Variants in PRPF8 observed in about 807,000 individuals in gnomAD.
The protein encoded by PRPF8 is pre-mRNA-processing-splicing factor 8.
A neutral mutation model predicts 285.9 loss-of-function variants in PRPF8; 64 were observed. That is an observed-to-expected ratio of 0.22 (90% confidence interval 0.18 to 0.28). PRPF8 has a LOEUF of 0.28. Ranked by LOEUF, PRPF8 falls within the 10% of genes least tolerant of loss-of-function variation. The pLI is 1.00. For missense variants in PRPF8, 1,426 were observed against 3,026.7 expected (o/e 0.47, Z 12.41); for synonymous variants, 1,325 against 1,118.2 (o/e 1.18, Z -3.69).
At position 1,683,545 on chromosome 17, in the gene PRPF8, C is replaced by G; in HGVS notation, c.257G>C (p.Arg86Thr). ...MTNRKFRHDK[R>T]VYLGALKYMP... The stretch of plus-strand genomic sequence containing the variant: ...GGATGTTCCTTACCCCAAGTAAACC[C>G]TTTTGTCATGGCGGAACTTCCTGTT... Residue 86 changes from arginine (R) to threonine (T), a missense_variant, in exon 3 of 43, where the codon AGG becomes ACG. Arg to Thr is a moderately conservative substitution (Grantham distance 71). This residue lies in a region of PRPF8 where 96 missense variants were observed against 188.3 expected (regional missense o/e 0.51). Transcript: ENST00000304992. 1 of 1,614,144 alleles carries G rather than the reference C, an allele frequency of 6.2e-7. No individual in the cohort carries two copies. Among genetic ancestry groups the G allele is most frequent in the Non-Finnish European group, 8.5e-7 (1 of 1,180,010 alleles).
chr17:1,675,212 G>A lies in PRPF8; in HGVS notation c.3000C>T (p.Ile1000=), dbSNP rs376110948. 8 of 1,614,030 alleles carry A rather than the reference G, an allele frequency of 5.0e-6. No individual in the cohort carries two copies. In the East Asian group the frequency reaches 8.9e-5, roughly 18 times the overall value. ...LTLLNRLLRL[I]VDHNIADYMT... is the part of the protein sequence containing the mutation. ...TGTAGTCGGCTATGTTGTGGTCCAC[G>A]ATGAGGCGCAGCAGCCTGTTGAGCA... Residue 1000 remains isoleucine, a synonymous_variant, in exon 20 of 43, where the codon ATC becomes ATT. Transcript: ENST00000304992. This position sits in a 1 kb window ranked among gnomAD's most constrained non-coding sequence, Gnocchi z 6.0.
chr17:1,654,174 A>G (rs1434286112), intron 37 of PRPF8, 158 bp from the exon 38 acceptor site: 1 of 1,072,842 alleles, frequency 9.3e-7, no homozygotes, highest in Non-Finnish European at 1.4e-6. Flanking sequence ...ACGGAGGTGC[A>G]CTAACACTTC....
At position 1,679,672 on chromosome 17, in the gene PRPF8, C is replaced by T. The variant is rs1330263474; in HGVS notation, c.1226G>A (p.Arg409Gln). 4 of 1,614,092 alleles carry T rather than the reference C, an allele frequency of 2.5e-6. No homozygotes were observed. The highest frequency in any genetic ancestry group is 3.4e-6 in the Non-Finnish European group (4 of 1,180,020). The part of the protein sequence containing the change: ...ANGIALLWAP[R>Q]PFNLRSGRTR... ...GCGACCAGAGCGTAGGTTGAAGGGC[C>T]GCGGGGCCCAGAGCAGGGCAATGCC... The change falls in exon 9 of 43, where the codon CGG (arginine) becomes CAG (glutamine). Residue 409 changes from arginine to glutamine, a missense_variant. Arg to Gln is a conservative substitution (Grantham distance 43). This residue lies in a region of PRPF8 where 137 missense variants were observed against 161.2 expected (regional missense o/e 0.85). Transcript: ENST00000304992. This position sits in a 1 kb window ranked among gnomAD's most constrained non-coding sequence, Gnocchi z 4.7.
intron 14 of PRPF8, 79 bp from the exon 15 acceptor site, chr17:1,677,251 CTCAT>C (rs1279833321): frequency 7.3e-7 from 1 of 1,361,680 alleles, no homozygotes; most frequent in Non-Finnish European, 1.0e-6. Flanking sequence ...ATGCTCCTCA[CTCAT>C]TATGGTTATT....
At chr17:1,677,393 C>G in intron 14 of PRPF8, 172 bp downstream of exon 14, 1 of 1,062,884 alleles carries the variant, frequency 9.4e-7, no homozygotes, top group Non-Finnish European at 1.4e-6. Context: ...CCTCTCAAGG[C>G]CCCAGAAGGA....
rs1911207399 is a variant in PRPF8 at position 1,653,784 on chromosome 17, T to G, written c.6220A>C (p.Arg2074=). 1 of 1,613,974 alleles carries G rather than the reference T, an allele frequency of 6.2e-7. No individual in the cohort carries two copies. The highest frequency in any genetic ancestry group is 2.2e-5 in the East Asian group (1 of 44,896). ...CCTCTTGCCCGACAGTACCTGACCCTCCACTCAGTCTTGGATGAGAAAGTC... is the reference window on the plus strand; with the variant it reads ...CCTCTTGCCCGACAGTACCTGACCCGCCACTCAGTCTTGGATGAGAAAGTC... ...TQTFSSKTEW[R]VRAISAANLH... The change falls in exon 38 of 43, where the codon AGG becomes CGG. Residue 2074 remains arginine, a synonymous_variant. Coordinates refer to ENST00000304992, the MANE Select transcript of PRPF8 (RefSeq NM_006445.4). This position sits in a 1 kb window ranked among gnomAD's most constrained non-coding sequence, Gnocchi z 4.9.
At chr17:1,674,767 A>C in intron 20 of PRPF8, 87 bp from the exon 21 acceptor site, 2 of 1,413,782 alleles carry the variant, frequency 1.4e-6, no homozygotes, top group Non-Finnish European at 2.0e-6. Context: ...CCCCTCAGCA[A>C]ATTCTACTTT....
chr17:1,661,988 C>G lies in PRPF8; in HGVS notation c.3940G>C (p.Val1314Leu). ...NSKMPSRFPP[V>L]VFYTPKELGG... is the part of the protein sequence containing the mutation. ...AACTCCTTAGGGGTGTAGAACACAA[C>G]CGGGGGGAACCGACTTGGCATCTTG... The change falls in exon 25 of 43, where the codon GTT becomes CTT. Residue 1314 changes from valine (V) to leucine (L), a missense_variant. Around this residue, in one of 34 missense-constraint regions of PRPF8, gnomAD observed 25 missense variants for 106.8 expected, o/e 0.23. Coordinates refer to ENST00000304992, the MANE Select transcript of PRPF8 (RefSeq NM_006445.4). The surrounding 1 kb of genome is among the most constrained non-coding windows in gnomAD (Gnocchi z 7.3). 6.2e-7 allele frequency: 1 copy of G among 1,613,956 alleles called. No homozygotes were observed. The highest frequency in any genetic ancestry group is 8.5e-7 in the Non-Finnish European group (1 of 1,179,982).
At chr17:1,654,278 A>G (rs1024952446) in intron 37 of PRPF8, 67 of 595,660 alleles carry the variant, frequency 1.1e-4, no homozygotes, top group African/African-American at 1.1e-3. Flanking sequence ...GACCAAAACA[A>G]TGCTCTGGCA....
chr17:1,681,627 G>A lies in PRPF8; in HGVS notation c.717C>T (p.Tyr239=). ...QFTLPMMSTL[Y]RLANQLLTDL... Reference sequence around the variant, plus strand: ...CTGTCAGGAGCTGATTAGCCAGGCGGTAGAGAGTCGACATCATAGGTAGTG... The same window carrying A: ...CTGTCAGGAGCTGATTAGCCAGGCGATAGAGAGTCGACATCATAGGTAGTG... Residue 239 remains tyrosine, a synonymous_variant, in exon 6 of 43, where the codon TAC becomes TAT. Transcript: ENST00000304992. 6.2e-7 allele frequency: 1 copy of A among 1,614,132 alleles called. No homozygotes were observed. The highest frequency in any genetic ancestry group is 1.1e-5 in the South Asian group (1 of 91,084).
chr17:1,672,988 G>C (rs559666863), intron 24 of PRPF8, 93 bp downstream of exon 24: 2 of 1,181,474 alleles, frequency 1.7e-6, no homozygotes, highest in African/African-American at 1.5e-5. Context: ...AAGAAGAGAA[G>C]GAAGCAGCCA....
At position 1,661,431 on chromosome 17, in the gene PRPF8, T is replaced by A; in HGVS notation, c.4203-25A>T. Reference sequence around the variant, plus strand: ...TCTTCCAAAAAAAGAAAGATTCAAGTCAAAACGTGATCTCATATGAGGAGC... The same window carrying A: ...TCTTCCAAAAAAAGAAAGATTCAAGACAAAACGTGATCTCATATGAGGAGC... On this transcript the variant is annotated intron_variant, in intron 26 of 42. Transcript: ENST00000304992. This position sits in a 1 kb window ranked among gnomAD's most constrained non-coding sequence, Gnocchi z 7.3. The A allele has an allele frequency of 6.2e-7, 1 of 1,614,058 alleles. No individual in the cohort carries two copies. Among genetic ancestry groups the A allele is most frequent in the Non-Finnish European group, 8.5e-7 (1 of 1,180,028 alleles).
chr17:1,665,888 C>T lies in PRPF8; in HGVS notation c.3775-3735G>A, dbSNP rs140639408. ...AAAAGAGAAAGGTCCAGGCCAGGTGCGGTGGCTCACACCTATAATCCCAAC... is the reference window on the plus strand; with the variant it reads ...AAAAGAGAAAGGTCCAGGCCAGGTGTGGTGGCTCACACCTATAATCCCAAC... On this transcript the variant is annotated intron_variant, in intron 24 of 42. Coordinates refer to ENST00000304992, the MANE Select transcript of PRPF8 (RefSeq NM_006445.4). Among the ~76,000 whole-genome samples, 133 of 149,326 alleles carry T rather than the reference C, an allele frequency of 8.9e-4. 4 individuals carry two copies. In the East Asian group the frequency reaches 0.021, roughly 24 times the overall value.
chr17:1,678,097 C>A (rs1006548870), intron 13 of PRPF8, among the ~76,000 whole-genome samples: 13 of 151,950 alleles, frequency 8.6e-5, no homozygotes, highest in Admixed American at 8.5e-4. Flanking sequence ...TGTGGATCAC[C>A]TGAGGTCAGG....
chr17:1,656,329 G>T, intron 36 of PRPF8, 63 bp downstream of exon 36: 2 of 1,601,916 alleles, frequency 1.2e-6, no homozygotes, highest in African/African-American at 2.7e-5. Flanking sequence ...ACCTGACACA[G>T]GATCTTCTCC....
chr17:1,682,460 C>T (rs969504609), intron 3 of PRPF8, among the ~76,000 whole-genome samples, 167 bp from the exon 4 acceptor site: 1 of 152,174 alleles, frequency 6.6e-6, no homozygotes, highest in Non-Finnish European at 1.5e-5. Context: ...TCTCCCTCTC[C>T]AACTTCACCT....
In PRPF8 at chr17:1,655,333, C is replaced by T; in HGVS notation, c.5987+17G>A. 6.2e-7 allele frequency: 1 copy of T among 1,612,580 alleles called. No homozygotes were observed. The highest frequency in any genetic ancestry group is 8.5e-7 in the Non-Finnish European group (1 of 1,179,980). On this transcript the variant is annotated intron_variant, in intron 37 of 42. Transcript: ENST00000304992. ...GTATATAGACCTCCTGTCTGTGTCC[C>T]CACCAGCACTGCTCACTTGTTTTTC...
At position 1,673,910 on chromosome 17, in the gene PRPF8, C is replaced by T. The variant is rs763555193; in HGVS notation, c.3300-18G>A. 7 of 1,610,646 alleles carry T rather than the reference C, an allele frequency of 4.3e-6. No individual in the cohort carries two copies. The highest frequency in any genetic ancestry group is 2.7e-5 in the African/African-American group (2 of 74,912). On this transcript the variant is annotated intron_variant, in intron 21 of 42. Transcript: ENST00000304992. This position sits in a 1 kb window ranked among gnomAD's most constrained non-coding sequence, Gnocchi z 5.5. ...CTGTGAACCTACACCAGACCAGGTA[C>T]ACTGCTGAGGCCCCAGTACACTGAG...
chr17:1,671,614 G>A (rs1207711891), intron 24 of PRPF8, among the ~76,000 whole-genome samples: 3 of 152,224 alleles, frequency 2.0e-5, no homozygotes, highest in Non-Finnish European at 2.9e-5. Flanking sequence ...TACTTTGGGA[G>A]GCTGAGGCAG....
Sources: gnomAD v4.1 joint callset for allele counts (sites outside exome capture counted in the v4.1 genomes callset) on GRCh38, gnomAD v4.1.1 for gene constraint, gnomAD v4.1.1 regional missense constraint, Gnocchi (gnomAD v3.1) non-coding constraint, MANE v1.5 for transcripts, NCBI Gene and HGNC (gene_info 2026-07-23, HGNC 2026-07-21) for gene names.